Variants in TECRL observed in about 807,000 individuals in gnomAD.
TECRL encodes trans-2,3-enoyl-CoA reductase-like.
A neutral mutation model predicts 52.8 loss-of-function variants in TECRL; 63 were observed. That is an observed-to-expected ratio of 1.19 (90% CI 0.97 to 1.47). TECRL has a LOEUF of 1.47. Ranked by LOEUF, TECRL falls within the 40% of genes most tolerant of loss-of-function variation. The pLI, the probability that TECRL is intolerant of heterozygous loss-of-function variation, is 0.00. For missense variants in TECRL, 482 were observed against 429.6 expected, an observed-to-expected ratio of 1.12 and a Z score of -1.08; for synonymous variants, 164 against 141.9, an observed-to-expected ratio of 1.16 and a Z score of -1.10.
chr4:64,358,351 C>T (rs1300784849), intron 2 of TECRL, among the ~76,000 whole-genome samples: 1 of 151,684 alleles, frequency 6.6e-6, no homozygotes, highest in Non-Finnish European at 1.5e-5. Flanking sequence ...AATAAATAAT[C>T]ATCGTATTGC....
At chr4:64,380,530 T>TG (rs1270672810) in intron 1 of TECRL, among the ~76,000 whole-genome samples, 4 of 152,222 alleles carry the variant, frequency 2.6e-5, no homozygotes, top group African/African-American at 9.6e-5. Flanking sequence ...GTTTATGGTT[T>TG]GGGGTCTTAG....
chr4:64,285,078 T>C (rs1389400734), intron 9 of TECRL, among the ~76,000 whole-genome samples: 1 of 152,082 alleles, frequency 6.6e-6, no homozygotes, highest in Non-Finnish European at 1.5e-5. Flanking sequence ...TTTATCCAGA[T>C]CATAAATAAA....
chr4:64,333,955 C>T (rs71610743), intron 2 of TECRL, among the ~76,000 whole-genome samples: 3 of 114,736 alleles, frequency 2.6e-5, no homozygotes, highest in African/African-American at 8.0e-5. Flanking sequence ...ACCCGGGAGG[C>T]GGAGCTTGCA....
Position 64,344,617 on chromosome 4 carries a change from T to C in TECRL, c.287-16061A>G, listed in dbSNP as rs144670550. Among the ~76,000 whole-genome samples the C allele has an allele frequency of 8.1e-3, 1,231 of 152,306 alleles. 18 individuals are homozygous for C. Among genetic ancestry groups the C allele is most frequent in the Non-Finnish European group, 9.5e-3 (643 of 68,010 alleles). ...TTTAATTTAAATTTAAAACAAAGTG[T>C]AATTTAAAATTAAGGTGTAATTTAA... On this transcript the variant is annotated intron_variant, in intron 2 of 11. Coordinates refer to ENST00000381210, the MANE Select transcript of TECRL (RefSeq NM_001010874.5).
intron 3 of TECRL, among the ~76,000 whole-genome samples, chr4:64,326,645 G>T (rs1302902365): frequency 6.6e-6 from 1 of 152,114 alleles, no homozygotes; most frequent in Non-Finnish European, 1.5e-5. Flanking sequence ...CATGAAAGTT[G>T]TGGTTATTGT....
chr4:64,372,106 T>G (rs1299672810), intron 2 of TECRL, among the ~76,000 whole-genome samples: 2 of 151,834 alleles, frequency 1.3e-5, no homozygotes, highest in Non-Finnish European at 3.0e-5. Context: ...GGAATACTTG[T>G]GAGCAGATGA....
intron 1 of TECRL, among the ~76,000 whole-genome samples, chr4:64,397,304 C>T (rs984268432): frequency 1.3e-4 from 19 of 151,880 alleles, no homozygotes; most frequent in Non-Finnish European, 2.6e-4. Context: ...AATTTTATTA[C>T]CACTGGATAT....
At chr4:64,323,792 C>T (rs967580074) in intron 3 of TECRL, among the ~76,000 whole-genome samples, 1 of 151,914 alleles carries the variant, frequency 6.6e-6, no homozygotes, top group African/African-American at 2.4e-5. Context: ...ATTTTTGGCC[C>T]GAGTACTTAA....
intron 5 of TECRL, among the ~76,000 whole-genome samples, chr4:64,311,344 C>T (rs1051739253): frequency 2.0e-5 from 3 of 152,110 alleles, no homozygotes; most frequent in African/African-American, 7.2e-5. Flanking sequence ...AGAGAGCAAG[C>T]ATCATGAATG....
chr4:64,315,432 G>C (rs1243523723), intron 4 of TECRL, among the ~76,000 whole-genome samples: 3 of 151,952 alleles, frequency 2.0e-5, no homozygotes, highest in Admixed American at 1.3e-4. Flanking sequence ...TTGGCTAACT[G>C]GTCTAAATTT....
At position 64,328,531 on chromosome 4, in the gene TECRL, A is replaced by T. The variant is rs776513662; in HGVS notation, c.312T>A (p.Val104=). The T allele has an allele frequency of 1.9e-6, 3 of 1,611,878 alleles. No individual in the cohort carries two copies. In the Admixed American group the frequency reaches 5.0e-5, roughly 27 times the overall value. Residue 104 remains valine, a synonymous_variant, in exon 3 of 12, where the codon GTT becomes GTA. Coordinates refer to ENST00000381210, the MANE Select transcript of TECRL (RefSeq NM_001010874.5). ...TCTTACCACATTCTAGCTGCAGACC[A>T]ACTCGAGAAGGGTACCACTTTGGAC... ...KACPKWYPSR[V]GLQLECGGPF... is the part of the protein sequence containing the mutation.
At chr4:64,362,020 T>C (rs1577936322) in intron 2 of TECRL, among the ~76,000 whole-genome samples, 1 of 152,140 alleles carries the variant, frequency 6.6e-6, no homozygotes, top group East Asian at 1.9e-4. Flanking sequence ...ATTGAGCTTC[T>C]GGTAATAAAA....
At chr4:64,290,702 T>C (rs1560473986) in intron 8 of TECRL, among the ~76,000 whole-genome samples, 1 of 152,130 alleles carries the variant, frequency 6.6e-6, no homozygotes, top group African/African-American at 2.4e-5. Context: ...ATAACTGGTA[T>C]ATATTTCAAC....
At chr4:64,369,410 A>G (rs1721834549) in intron 2 of TECRL, among the ~76,000 whole-genome samples, 1 of 152,134 alleles carries the variant, frequency 6.6e-6, no homozygotes, top group African/African-American at 2.4e-5. Context: ...ATTGTGAACT[A>G]TGTTCAGATT....
intron 1 of TECRL, among the ~76,000 whole-genome samples, chr4:64,389,702 T>C (rs1723417655): frequency 6.6e-6 from 1 of 151,924 alleles, no homozygotes; most frequent in South Asian, 2.1e-4. Flanking sequence ...TGTAGTAGAA[T>C]TCACCAATTA....
At chr4:64,287,465 G>A (rs1420147290) in intron 9 of TECRL, among the ~76,000 whole-genome samples, 1 of 152,026 alleles carries the variant, frequency 6.6e-6, no homozygotes, top group Non-Finnish European at 1.5e-5. Flanking sequence ...TCAAGTTGAT[G>A]TTGAATGTTT....
chr4:64,343,655 A>G (rs1038438688), intron 2 of TECRL, among the ~76,000 whole-genome samples: 2 of 152,080 alleles, frequency 1.3e-5, no homozygotes, highest in Admixed American at 6.5e-5. Flanking sequence ...ACAAAAATCA[A>G]TTCTGGTAAA....
intron 2 of TECRL, among the ~76,000 whole-genome samples, chr4:64,362,484 C>A (rs1721267706): frequency 6.6e-6 from 1 of 151,838 alleles, no homozygotes; most frequent in Admixed American, 6.6e-5. Flanking sequence ...GAAAGATAAC[C>A]CCATCAGGCT....
At chr4:64,353,590 T>C (rs1418235448) in intron 2 of TECRL, among the ~76,000 whole-genome samples, 1 of 152,208 alleles carries the variant, frequency 6.6e-6, no homozygotes, top group East Asian at 1.9e-4. Flanking sequence ...TTAGTATTCG[T>C]TGAATAAGGA....
Sources: allele counts gnomAD v4.1 joint callset (sites outside exome capture counted in the v4.1 genomes callset), GRCh38; gene constraint gnomAD v4.1.1; transcripts MANE v1.5; gene names NCBI Gene and HGNC (gene_info 2026-07-23, HGNC 2026-07-21).